Variants in PGR observed in about 807,000 individuals in gnomAD.
The protein encoded by PGR is nuclear receptor subfamily 3 group C member 3.
PGR carries 25 observed loss-of-function variants against 76.1 expected under a neutral mutation model. The observed-to-expected ratio is 0.33, with a 90% CI of 0.24 to 0.46. PGR has a LOEUF of 0.46. PGR is among the 20% of genes least tolerant of loss of function. The pLI, the probability that PGR is intolerant of heterozygous loss-of-function variation, is 1.00. For missense variants in PGR, 1,172 were observed against 1,225.3 expected (o/e 0.96, Z 0.65); for synonymous variants, 579 against 535.0 (o/e 1.08, Z -1.14).
intron 7 of PGR, 31 bp from the exon 8 acceptor site, chr11:101,039,302 G>A (rs1859617166): frequency 1.3e-6 from 2 of 1,524,930 alleles, no homozygotes; most frequent in South Asian, 1.1e-5. Flanking sequence ...TAGAAAACAT[G>A]TAATAAAAAT....
chr11:101,044,527 CT>C (rs1412977749), intron 6 of PGR, among the ~76,000 whole-genome samples: 2 of 152,060 alleles, frequency 1.3e-5, no homozygotes, highest in Non-Finnish European at 2.9e-5. Context: ...AGAACTCTTA[CT>C]TTGTATTTGA....
At chr11:101,072,302 T>G (rs1254810610) in intron 3 of PGR, among the ~76,000 whole-genome samples, 1 of 152,164 alleles carries the variant, frequency 6.6e-6, no homozygotes, top group African/African-American at 2.4e-5. Context: ...CCACGAGGCC[T>G]GCCTTACAAG....
In PGR at chr11:101,034,715, A is replaced by T. The variant is rs1008272551; in HGVS notation, c.*4401T>A. 2 of 173,638 alleles carry T rather than the reference A, an allele frequency of 1.2e-5. No homozygotes were observed. Among genetic ancestry groups the T allele is most frequent in the Non-Finnish European group, 2.5e-5 (2 of 80,360 alleles). 10.8% of individuals were successfully genotyped at this position (173,638 alleles called of 1,614,324 possible). A position where few individuals can be genotyped will look rare whatever the true frequency, so the allele number is the denominator to read the frequency against. Reference sequence around the variant, plus strand: ...TAAATAGGGATGTGATCCAACCTGAACTCAATAATCTAGGCCCAGTTCAGC... The same window carrying T: ...TAAATAGGGATGTGATCCAACCTGATCTCAATAATCTAGGCCCAGTTCAGC... On this transcript the variant is annotated 3_prime_UTR_variant, in exon 8 of 8. Coordinates refer to ENST00000325455, the MANE Select transcript of PGR (RefSeq NM_000926.4).
intron 6 of PGR, 100 bp from the exon 7 acceptor site, chr11:101,042,202 C>T (rs1859715173): frequency 8.0e-7 from 1 of 1,243,680 alleles, no homozygotes; most frequent in Admixed American, 2.0e-5. Context: ...TCTTCTGATA[C>T]ATGACTCTAG....
chr11:101,046,292 ATTTTTTTTTTTTTTTTTTTTTTTT>A (rs540943297), intron 6 of PGR, among the ~76,000 whole-genome samples: 26 of 66,292 alleles, frequency 3.9e-4, no homozygotes, highest in Admixed American at 1.0e-3. Context: ...CGCCTGGCTA[ATTTTTTTTTTTTTTTTTTTTTTTT>A]TTTTTTTTTT....
chr11:101,058,494 A>G (rs1451629174), intron 4 of PGR, among the ~76,000 whole-genome samples: 7 of 152,306 alleles, frequency 4.6e-5, no homozygotes, highest in African/African-American at 1.7e-4. Flanking sequence ...ATACTGTTCT[A>G]ATATTCTGAT....
At chr11:101,127,079 C>A (rs2135511970) in intron 1 of PGR, 1 of 166,748 alleles carries the variant, frequency 6.0e-6, no homozygotes, top group East Asian at 1.6e-4. Context: ...GCACTTTCTG[C>A]CCCACTGGGC....
chr11:101,109,514 G>A (rs1862278372), intron 2 of PGR, among the ~76,000 whole-genome samples: 1 of 152,170 alleles, frequency 6.6e-6, no homozygotes, highest in South Asian at 2.1e-4. Flanking sequence ...ATTCCCTTCA[G>A]CCAAACCTAA....
intron 4 of PGR, among the ~76,000 whole-genome samples, chr11:101,057,326 A>G (rs1188136239): frequency 6.6e-6 from 1 of 152,156 alleles, no homozygotes; most frequent in Non-Finnish European, 1.5e-5. Context: ...TATGGGCAAG[A>G]GAAGAAGGCT....
chr11:101,101,390 A>T (rs1861992986), intron 2 of PGR, among the ~76,000 whole-genome samples: 1 of 152,214 alleles, frequency 6.6e-6, no homozygotes, highest in Non-Finnish European at 1.5e-5. Context: ...AAAGTAAATA[A>T]TAAGTATCTG....
At chr11:101,041,614 T>C (rs1194450249) in intron 7 of PGR, 4 of 238,268 alleles carry the variant, frequency 1.7e-5, no homozygotes, top group South Asian at 6.0e-5. Flanking sequence ...ATTTTTCACA[T>C]ACATACCTTT....
Position 101,037,939 on chromosome 11 carries a change from A to C in PGR, c.*1177T>G, listed in dbSNP as rs11571276. ...TGCTACTGTAACTCAAATGTGCACAAAATGGCAGGTAAACTCTAGGAGAAG... is the reference window on the plus strand; with the variant it reads ...TGCTACTGTAACTCAAATGTGCACACAATGGCAGGTAAACTCTAGGAGAAG... On this transcript the variant is annotated 3_prime_UTR_variant, in exon 8 of 8. Transcript: ENST00000325455. 2,796 of 212,334 alleles carry C rather than the reference A, an allele frequency of 0.013. 72 individuals carry two copies. Among genetic ancestry groups the C allele is most frequent in the African/African-American group, 0.057 (2,538 of 44,296 alleles). The allele number at this position is 212,334 out of a possible 1,614,324, so 13.2% of individuals were successfully genotyped here. A position where few individuals can be genotyped will look rare whatever the true frequency, so the allele number is the denominator to read the frequency against.
intron 6 of PGR, among the ~76,000 whole-genome samples, chr11:101,049,463 C>A (rs973297088): frequency 6.6e-6 from 1 of 152,134 alleles, no homozygotes; most frequent in African/African-American, 2.4e-5. Flanking sequence ...ATATGACTGG[C>A]AGCACAGTAG....
chr11:101,053,540 T>C, intron 4 of PGR, among the ~76,000 whole-genome samples: 1 of 101,782 alleles, frequency 9.8e-6, no homozygotes, highest in African/African-American at 4.2e-5. Context: ...TCCCTCCCCT[T>C]CTCCCTTTCT....
At chr11:101,112,626 C>T (rs1461173755) in intron 2 of PGR, among the ~76,000 whole-genome samples, 1 of 152,106 alleles carries the variant, frequency 6.6e-6, no homozygotes, top group Non-Finnish European at 1.5e-5. Context: ...TGGAAGACAG[C>T]CATCCCAGAA....
At chr11:101,089,660 G>C (rs1160429082) in intron 3 of PGR, among the ~76,000 whole-genome samples, 1 of 150,998 alleles carries the variant, frequency 6.6e-6, no homozygotes, top group Non-Finnish European at 1.5e-5. Context: ...AAAGGGATGG[G>C]GTGCAAATTA....
In PGR at chr11:101,127,718, C is replaced by G. The variant is rs1862908888; in HGVS notation, c.1353G>C (p.Ala451=). The change falls in exon 1 of 8, where the codon GCG becomes GCC. Residue 451 remains alanine, a synonymous_variant. Coordinates refer to ENST00000325455, the MANE Select transcript of PGR (RefSeq NM_000926.4). ...AAPASASVSS[A]SSSGSTLECI... ...ACTCCAGGGTCGACCCCGAGGAGGA[C>G]GCAGACGAGACTGAGGCACTGGCGG... is the stretch of plus-strand genomic sequence containing the variant. 2.5e-6 allele frequency: 4 copies of G among 1,585,420 alleles called. No homozygotes were observed. Among genetic ancestry groups the G allele is most frequent in the Non-Finnish European group, 3.4e-6 (4 of 1,174,596 alleles).
chr11:101,122,048 G>T (rs1470524213), intron 2 of PGR, among the ~76,000 whole-genome samples: 1 of 151,420 alleles, frequency 6.6e-6, no homozygotes, highest in Admixed American at 6.6e-5. Context: ...CCAGCTACTC[G>T]GGAGGCTAAG....
chr11:101,126,428 G>A (rs1862840221), intron 1 of PGR, among the ~76,000 whole-genome samples: 2 of 152,156 alleles, frequency 1.3e-5, no homozygotes, highest in Non-Finnish European at 2.9e-5. Context: ...GTTAAAGTCG[G>A]TTAAAAGGAA....
Sources: gnomAD v4.1 joint callset for allele counts (sites outside exome capture counted in the v4.1 genomes callset) on GRCh38, gnomAD v4.1.1 for gene constraint, MANE v1.5 for transcripts, NCBI Gene and HGNC (gene_info 2026-07-23, HGNC 2026-07-21) for gene names.